ZNF385D: variants seen among roughly 807,000 people sequenced by gnomAD.
ZNF385D encodes zinc finger protein 659.
Under a neutral mutation model 35.8 loss-of-function variants are expected in ZNF385D, and 15 were observed. That is an observed-to-expected ratio of 0.42 (90% confidence interval 0.28 to 0.64). ZNF385D has a LOEUF of 0.64. ZNF385D is among the 30% of genes least tolerant of loss of function. The probability of loss-of-function intolerance (pLI) is 0.23; values close to 1 mark genes in which losing one functional copy is unlikely to be tolerated. For synonymous variants in ZNF385D, 212 were observed against 186.8 expected, an observed-to-expected ratio of 1.13 and a Z score of -1.10; for missense variants, 474 against 494.6, an observed-to-expected ratio of 0.96 and a Z score of 0.39.
At chr3:21,966,933 G>A (rs972998890) in intron 3 of ZNF385D, among the ~76,000 whole-genome samples, 31 of 152,182 alleles carry the variant, frequency 2.0e-4, no homozygotes, top group Non-Finnish European at 7.3e-5. Flanking sequence ...TTTTTAGAAT[G>A]AGTGTGCATG....
At chr3:21,596,051 C>G (rs1301135783) in intron 2 of ZNF385D, among the ~76,000 whole-genome samples, 1 of 152,128 alleles carries the variant, frequency 6.6e-6, no homozygotes, top group African/African-American at 2.4e-5. Flanking sequence ...TGGTAAGAAC[C>G]AGCAATTTAA....
intron 2 of ZNF385D, among the ~76,000 whole-genome samples, chr3:22,299,807 C>T (rs925512501): frequency 6.6e-6 from 1 of 151,682 alleles, no homozygotes; most frequent in African/African-American, 2.4e-5. Flanking sequence ...TGATAAAAGA[C>T]ATTAAAGAAC....
intron 3 of ZNF385D, chr3:21,543,097 G>A (rs1025429553): frequency 6.6e-6 from 1 of 152,344 alleles, no homozygotes; most frequent in African/African-American, 2.4e-5. Context: ...CGGATCACGT[G>A]AGGTCAGGAG....
At chr3:21,976,910 C>A (rs749926167) in intron 3 of ZNF385D, among the ~76,000 whole-genome samples, 5 of 152,130 alleles carry the variant, frequency 3.3e-5, no homozygotes, top group Non-Finnish European at 7.3e-5. Flanking sequence ...ATTGTTTGAA[C>A]CTGGGAGGCG....
intron 3 of ZNF385D, among the ~76,000 whole-genome samples, chr3:22,062,116 C>T (rs1282157323): frequency 6.6e-6 from 1 of 152,154 alleles, no homozygotes; most frequent in Non-Finnish European, 1.5e-5. Context: ...TGCCTCCCTG[C>T]AGCCTCGACC....
At chr3:21,594,231 T>C (rs1343892334) in intron 2 of ZNF385D, among the ~76,000 whole-genome samples, 1 of 152,214 alleles carries the variant, frequency 6.6e-6, no homozygotes, top group African/African-American at 2.4e-5. Flanking sequence ...TTCACACTTA[T>C]TTTGCAGTAT....
chr3:21,749,665 C>A (rs2069962967), intron 1 of ZNF385D, among the ~76,000 whole-genome samples: 1 of 151,688 alleles, frequency 6.6e-6, no homozygotes, highest in Non-Finnish European at 1.5e-5. Flanking sequence ...TCTTCCAAAT[C>A]ATTTTCAGCT....
chr3:22,345,191 G>A lies in ZNF385D; in HGVS notation c.106+27259C>T, dbSNP rs544572553. On this transcript the variant is annotated intron_variant, in intron 2 of 5. Transcript: ENST00000494108. Reference sequence around the variant, plus strand: ...ATTTTAATATTATTGTTTTAGTTATGGACTGCCTTTATGGTAGTTCTCTAC... The same window carrying A: ...ATTTTAATATTATTGTTTTAGTTATAGACTGCCTTTATGGTAGTTCTCTAC... 4.6e-5 allele frequency among the ~76,000 whole-genome samples: 7 copies of A among 151,956 alleles called. No individual in the cohort carries two copies. The East Asian group carries it at 5.8e-4, about 13-fold the overall frequency.
chr3:22,333,737 C>T (rs1037493473), intron 2 of ZNF385D, among the ~76,000 whole-genome samples: 3 of 152,146 alleles, frequency 2.0e-5, no homozygotes, highest in Non-Finnish European at 4.4e-5. Context: ...TGAAAGGAGA[C>T]TATTTTTGCA....
chr3:22,319,050 C>A (rs761627848), intron 2 of ZNF385D, among the ~76,000 whole-genome samples: 1 of 152,014 alleles, frequency 6.6e-6, no homozygotes, highest in South Asian at 2.1e-4. Flanking sequence ...AAATTTGTTC[C>A]ATTTCATAAA....
At chr3:22,082,223 G>T (rs1315060575) in intron 3 of ZNF385D, among the ~76,000 whole-genome samples, 1 of 152,076 alleles carries the variant, frequency 6.6e-6, no homozygotes, top group East Asian at 1.9e-4. Flanking sequence ...GCAGCCCACG[G>T]AGGGTGAGCT....
At chr3:21,424,944 T>A (rs983203034) in intron 6 of ZNF385D, among the ~76,000 whole-genome samples, 3 of 152,174 alleles carry the variant, frequency 2.0e-5, no homozygotes, top group African/African-American at 7.2e-5. Flanking sequence ...AATGTATAAA[T>A]GATCTCTTTG....
chr3:21,922,520 CAA>C (rs879665075), intron 3 of ZNF385D, among the ~76,000 whole-genome samples: 21 of 152,164 alleles, frequency 1.4e-4, no homozygotes, highest in Admixed American at 1.4e-3. Context: ...ACAAAGTCAA[CAA>C]AAATAAGCAA....
chr3:21,789,596 C>T (rs1244014795), intron 3 of ZNF385D, among the ~76,000 whole-genome samples: 1 of 152,166 alleles, frequency 6.6e-6, no homozygotes, highest in Non-Finnish European at 1.5e-5. Flanking sequence ...TTCCTTTTAA[C>T]TGCCTTACTG....
At chr3:22,309,189 A>G (rs1017291300) in intron 2 of ZNF385D, among the ~76,000 whole-genome samples, 2 of 152,072 alleles carry the variant, frequency 1.3e-5, no homozygotes, top group African/African-American at 4.8e-5. Context: ...AGTAAACTAA[A>G]ATGTGAAAAG....
intron 3 of ZNF385D, among the ~76,000 whole-genome samples, chr3:21,558,537 C>G (rs140046265): frequency 3.0e-4 from 46 of 152,210 alleles, no homozygotes; most frequent in African/African-American, 9.4e-4. Flanking sequence ...GATTTCCATT[C>G]TTTTGCATTT....
At chr3:22,091,327 T>G (rs932200405) in intron 3 of ZNF385D, among the ~76,000 whole-genome samples, 1 of 152,158 alleles carries the variant, frequency 6.6e-6, no homozygotes, top group African/African-American at 2.4e-5. Context: ...TTGAGCAGCT[T>G]TGCAGACCAG....
chr3:21,471,295 T>TCACACA (rs151185506), intron 4 of ZNF385D, among the ~76,000 whole-genome samples: 10 of 86,238 alleles, frequency 1.2e-4, no homozygotes, highest in East Asian at 1.1e-3. Context: ...TCTCTCTCTC[T>TCACACA]CACACACACA....
chr3:22,209,842 A>C (rs773005560), intron 2 of ZNF385D, among the ~76,000 whole-genome samples: 9 of 151,836 alleles, frequency 5.9e-5, no homozygotes, highest in African/African-American at 9.7e-5. Flanking sequence ...GGTGATTATA[A>C]GCTAACTGTA....
Sources: gnomAD v4.1 joint callset for allele counts (sites outside exome capture counted in the v4.1 genomes callset) on GRCh38, gnomAD v4.1.1 for gene constraint, MANE v1.5 for transcripts, NCBI Gene and HGNC (gene_info 2026-07-23, HGNC 2026-07-21) for gene names.